The following TG variants were observed in gnomAD, a reference collection of about 807,000 sequenced individuals.
The protein encoded by TG is thyroglobulin.
Under a neutral mutation model 324.7 loss-of-function variants are expected in TG, and 270 were observed. The ratio of observed to expected loss-of-function variants is 0.83; its 90% CI spans 0.75 to 0.92. The LOEUF is 0.92. TG is among the 40% of genes least tolerant of loss of function. The pLI, the probability that TG is intolerant of heterozygous loss-of-function variation, is 0.00. For missense variants in TG, 3,591 were observed against 3,456.4 expected, an observed-to-expected ratio of 1.04 and a Z score of -0.98; for synonymous variants, 1,401 against 1,327.0, an observed-to-expected ratio of 1.06 and a Z score of -1.21.
intron 43 of TG, among the ~76,000 whole-genome samples, chr8:133,110,278 A>C (rs889668634): frequency 6.6e-6 from 1 of 152,162 alleles, no homozygotes; most frequent in Admixed American, 6.5e-5. Flanking sequence ...AGCATCTGTG[A>C]GCAGTACTTG....
chr8:132,918,588 A>T lies in TG; in HGVS notation c.4379-788A>T, dbSNP rs148725689. Among the ~76,000 whole-genome samples the T allele has an allele frequency of 5.9e-5, 9 of 152,252 alleles. No homozygotes were observed. The East Asian group carries it at 1.7e-3, about 29-fold the overall frequency. On this transcript the variant is annotated intron_variant, in intron 20 of 47. Coordinates refer to ENST00000220616, the MANE Select transcript of TG (RefSeq NM_003235.5). ...CATTGGCTCCATCTCAGCACGTCCC[A>T]CTCATTGGTACTGACTTCTCTGCCA...
chr8:132,997,610 A>G (rs1321327127), intron 35 of TG, among the ~76,000 whole-genome samples: 3 of 152,180 alleles, frequency 2.0e-5, no homozygotes, highest in Admixed American at 6.5e-5. Context: ...CATCATTTCA[A>G]GGAAAATGGA....
Position 132,886,626 on chromosome 8 carries a change from C to T in TG, c.1254C>T (p.Asp418=), listed in dbSNP as rs1282423536. The T allele has an allele frequency of 5.6e-6, 9 of 1,614,064 alleles. No homozygotes were observed. Among genetic ancestry groups the T allele is most frequent in the Non-Finnish European group, 7.6e-6 (9 of 1,180,054 alleles). The change falls in exon 9 of 48, where the codon GAC becomes GAT. Residue 418 remains aspartate (D), a synonymous_variant. Transcript: ENST00000220616. ...CCACGATCAAGGAGCTCTTTGTGGACTCTGGGCTTCTCCGCCCAATGGTGG... is the reference window on the plus strand; with the variant it reads ...CCACGATCAAGGAGCTCTTTGTGGATTCTGGGCTTCTCCGCCCAATGGTGG... ...CPPTIKELFV[D]SGLLRPMVEG...
At chr8:133,052,195 T>C (rs915331140) in intron 41 of TG, among the ~76,000 whole-genome samples, 3 of 152,198 alleles carry the variant, frequency 2.0e-5, no homozygotes, top group African/African-American at 7.2e-5. Context: ...AGACTAAGTC[T>C]AAAGAGAGAT....
Position 132,882,157 on chromosome 8 carries a change from T to A in TG, c.745+188T>A, listed in dbSNP as rs529999591. On this transcript the variant is annotated intron_variant, in intron 6 of 47. Transcript: ENST00000220616. Reference sequence around the variant, plus strand: ...GCAGTATGGTGAATGCAGCTGCTGCTGGCCCACATAGTGCCTTTGTGCACA... The same window carrying A: ...GCAGTATGGTGAATGCAGCTGCTGCAGGCCCACATAGTGCCTTTGTGCACA... Among the ~76,000 whole-genome samples, 4 of 152,380 alleles carry A rather than the reference T, an allele frequency of 2.6e-5. No individual in the cohort carries two copies. In the East Asian group the frequency reaches 7.7e-4, roughly 29 times the overall value.
rs1816725385 is a variant in TG at position 132,893,944 on chromosome 8, C to T, written c.3001+15C>T. On this transcript the variant is annotated intron_variant, in intron 11 of 47. Transcript: ENST00000220616. ...GGCTCAGTCTAGTGAGTGTGGTGCC[C>T]TTCAGCTTTCTTACTGCATCGCTTT... 6.2e-7 allele frequency: 1 copy of T among 1,613,866 alleles called. No individual in the cohort carries two copies. Among genetic ancestry groups the T allele is most frequent in the African/African-American group, 1.3e-5 (1 of 74,884 alleles).
rs375262917 is a variant in TG, at chr8:133,047,869, C to T, written c.7239+17846C>T. On this transcript the variant is annotated intron_variant, in intron 41 of 47. Transcript: ENST00000220616. ...CTCTCTCTGATCATGAAGGAGCCGA[C>T]CTTTGTGTCTGGCAGCTGCAGCAGC... The T allele has an allele frequency of 5.0e-6, 8 of 1,612,484 alleles. No homozygotes were observed. In the South Asian group the frequency reaches 7.7e-5, roughly 15 times the overall value.
At chr8:132,970,314 C>G (rs1322712030) in intron 32 of TG, among the ~76,000 whole-genome samples, 2 of 151,182 alleles carry the variant, frequency 1.3e-5, no homozygotes, top group African/African-American at 4.9e-5. Context: ...TGGATCTTAC[C>G]CATTAGAATC....
intron 35 of TG, among the ~76,000 whole-genome samples, chr8:133,011,008 A>G (rs1032571048): frequency 6.6e-6 from 1 of 152,190 alleles, no homozygotes; most frequent in South Asian, 2.1e-4. Flanking sequence ...CTTCATATAT[A>G]AAGGAAGACG....
intron 47 of TG, 46 bp downstream of exon 47, chr8:133,133,706 A>C: frequency 2.3e-5 from 36 of 1,586,900 alleles, no homozygotes; most frequent in Non-Finnish European, 2.9e-5. Flanking sequence ...TGTTGATCTC[A>C]GCATCTGCTG....
At chr8:132,969,045 A>G (rs1587623587) in intron 31 of TG, among the ~76,000 whole-genome samples, 1 of 152,144 alleles carries the variant, frequency 6.6e-6, no homozygotes, top group African/African-American at 2.4e-5. Context: ...CTAGAGGCCA[A>G]ATAGCTTCTT....
chr8:132,996,744 G>A (rs73357249), intron 35 of TG, among the ~76,000 whole-genome samples: 3,219 of 152,286 alleles, frequency 0.021, 116 homozygotes, highest in African/African-American at 0.073. Context: ...GGAGGCAGCT[G>A]TAGAAGGGGA....
At position 133,060,252 on chromosome 8, in the gene TG, A is replaced by G. The variant is rs765693614; in HGVS notation, c.7239+30229A>G. On this transcript the variant is annotated intron_variant, in intron 41 of 47. Transcript: ENST00000220616. The stretch of plus-strand genomic sequence containing the variant: ...AGTCAACCGTGCCCTGAGCCCTCCA[A>G]GTGGAGAATGACCCAGTTTAGAGAG... 14 of 1,611,094 alleles carry G rather than the reference A, an allele frequency of 8.7e-6. No individual in the cohort carries two copies. The highest frequency in any genetic ancestry group is 1.2e-5 in the Non-Finnish European group (14 of 1,178,646).
intron 26 of TG, among the ~76,000 whole-genome samples, chr8:132,944,878 T>C (rs186498209): frequency 2.6e-5 from 4 of 152,072 alleles, no homozygotes; most frequent in African/African-American, 7.2e-5. Context: ...TGATGTTAAA[T>C]GGAAAGAATA....
chr8:133,113,324 C>A, intron 43 of TG, 98 bp from the exon 44 acceptor site: 1 of 1,438,396 alleles, frequency 7.0e-7, no homozygotes, highest in Non-Finnish European at 9.7e-7. Context: ...TGCCCCACTG[C>A]TTCCCAGAGA....
rs372873176 is a variant in TG, at chr8:132,992,003, A to C, written c.6262+8591A>C. ...GTTCCCTTCCTTCCTGGAAGGCTTC[A>C]CTTCTCTCCACAGGTGCAGGAGGGA... On this transcript the variant is annotated intron_variant, in intron 35 of 47. Coordinates refer to ENST00000220616, the MANE Select transcript of TG (RefSeq NM_003235.5). Among the ~76,000 whole-genome samples, 6 of 152,242 alleles carry C rather than the reference A, an allele frequency of 3.9e-5. No individual in the cohort carries two copies. In the East Asian group the frequency reaches 5.8e-4, roughly 15 times the overall value.
At chr8:133,020,526 G>A (rs1383104230) in intron 39 of TG, among the ~76,000 whole-genome samples, 1 of 152,134 alleles carries the variant, frequency 6.6e-6, no homozygotes, top group Admixed American at 6.5e-5. Flanking sequence ...GGGACACAGG[G>A]CCCCTTCACT....
At chr8:132,914,745 T>C (rs1820041858) in intron 20 of TG, among the ~76,000 whole-genome samples, 1 of 152,174 alleles carries the variant, frequency 6.6e-6, no homozygotes, top group South Asian at 2.1e-4. Flanking sequence ...GCCTGTGATC[T>C]TTCTTTCTAT....
chr8:133,047,982 A>G, intron 41 of TG: 3 of 1,139,462 alleles, frequency 2.6e-6, no homozygotes, highest in Non-Finnish European at 3.9e-6. Flanking sequence ...GCCCTCCCCC[A>G]GGAAAGGCAG....
Sources: gnomAD v4.1 joint callset for allele counts (sites outside exome capture counted in the v4.1 genomes callset) on GRCh38, gnomAD v4.1.1 for gene constraint, MANE v1.5 for transcripts, NCBI Gene and HGNC (gene_info 2026-07-23, HGNC 2026-07-21) for gene names.